The following DNAAF11 variants were observed in gnomAD, a reference collection of about 807,000 sequenced individuals.
DNAAF11 encodes dynein axonemal assembly factor 11, also known as leucine rich repeat containing 6.
DNAAF11 carries 45 observed loss-of-function variants against 60.8 expected under a neutral mutation model. The ratio of observed to expected loss-of-function variants is 0.74; its 90% confidence interval spans 0.58 to 0.95. The LOEUF is 0.95. Among genes scored for constraint, DNAAF11 ranks in the 40% least tolerant of loss-of-function variants. The pLI, the probability that DNAAF11 is intolerant of heterozygous loss-of-function variation, is 0.00. For missense variants in DNAAF11, 546 were observed against 546.2 expected (o/e 1.00, Z 0.00); for synonymous variants, 191 against 183.5 (o/e 1.04, Z -0.33).
intron 10 of DNAAF11, among the ~76,000 whole-genome samples, chr8:132,584,791 G>A (rs960331944): frequency 3.3e-5 from 5 of 152,118 alleles, no homozygotes; most frequent in African/African-American, 9.7e-5. Context: ...TTGGTGTGGT[G>A]CACAGCTGTG....
Position 132,655,907 on chromosome 8 carries a change from A to G in DNAAF11, c.256+923T>C, listed in dbSNP as rs374150560. Reference sequence around the variant, plus strand: ...CGGTACTCACATGGACTATCAGTATAAGTACAAATCGATACAATAAATATT... The same window carrying G: ...CGGTACTCACATGGACTATCAGTATGAGTACAAATCGATACAATAAATATT... On this transcript the variant is annotated intron_variant, in intron 3 of 11. Coordinates refer to ENST00000620350, the MANE Select transcript of DNAAF11 (RefSeq NM_012472.6). Among the ~76,000 whole-genome samples, 8 of 152,324 alleles carry G rather than the reference A, an allele frequency of 5.3e-5. No individual in the cohort carries two copies. The South Asian group carries it at 1.2e-3, about 24-fold the overall frequency.
intron 4 of DNAAF11, 64 bp from the exon 5 acceptor site, chr8:132,633,027 T>C: frequency 1.0e-6 from 1 of 1,000,468 alleles, no homozygotes; most frequent in East Asian, 2.5e-5. Flanking sequence ...CAGCCCCAGG[T>C]TGATTTTGAT....
rs140810971 is a variant in DNAAF11 at position 132,598,484 on chromosome 8, A to G, written c.1140+11682T>C. ...ACAGAGCATATACAATTTTTGCTAA[A>G]TAGTCATAATTGTAGATATATGAAT... On this transcript the variant is annotated intron_variant, in intron 10 of 11. Transcript: ENST00000620350. Among the ~76,000 whole-genome samples, 874 of 152,330 alleles carry G rather than the reference A, an allele frequency of 5.7e-3. 13 individuals carry two copies. Among genetic ancestry groups the G allele is most frequent in the African/African-American group, 0.02 (841 of 41,580 alleles).
intron 10 of DNAAF11, among the ~76,000 whole-genome samples, chr8:132,609,821 G>C (rs549689220): frequency 3.3e-5 from 5 of 152,284 alleles, no homozygotes; most frequent in South Asian, 2.1e-4. Context: ...ATAAAAGCCA[G>C]TTTTATTTGG....
At chr8:132,613,856 G>A (rs1210537729) in intron 8 of DNAAF11, among the ~76,000 whole-genome samples, 5 of 151,974 alleles carry the variant, frequency 3.3e-5, no homozygotes, top group Admixed American at 3.3e-4. Context: ...AAATAAAATG[G>A]GGCACATCAA....
intron 10 of DNAAF11, among the ~76,000 whole-genome samples, chr8:132,601,704 T>C (rs1313584002): frequency 1.3e-5 from 2 of 151,864 alleles, no homozygotes; most frequent in African/African-American, 2.4e-5. Context: ...TTCTCACTCA[T>C]AGGTGGGAAT....
intron 2 of DNAAF11, among the ~76,000 whole-genome samples, chr8:132,658,790 T>C (rs1266136041): frequency 6.6e-6 from 1 of 152,100 alleles, no homozygotes; most frequent in East Asian, 1.9e-4. Context: ...AAAGGAGTCA[T>C]ATGATAGAAA....
intron 8 of DNAAF11, 28 bp from the exon 9 acceptor site, chr8:132,611,391 T>C (rs1818655276): frequency 2.9e-6 from 4 of 1,365,184 alleles, no homozygotes; most frequent in African/African-American, 2.9e-5. Context: ...GAAAATCTTA[T>C]AATTTTAAAA....
At chr8:132,590,722 G>A (rs968825031) in intron 10 of DNAAF11, among the ~76,000 whole-genome samples, 1 of 152,172 alleles carries the variant, frequency 6.6e-6, no homozygotes, top group African/African-American at 2.4e-5. Flanking sequence ...CTTAGATTAG[G>A]TGAGTTTTGA....
At position 132,615,210 on chromosome 8, in the gene DNAAF11, G is replaced by T. The variant is rs535646544; in HGVS notation, c.915-113C>A. Reference sequence around the variant, plus strand: ...TAATAATTCTATAATAATATCCAAAGACAACTTATTTTAGTGGTTGAACAA... The same window carrying T: ...TAATAATTCTATAATAATATCCAAATACAACTTATTTTAGTGGTTGAACAA... On this transcript the variant is annotated intron_variant, in intron 7 of 11. Coordinates refer to ENST00000620350, the MANE Select transcript of DNAAF11 (RefSeq NM_012472.6). 7.4e-6 allele frequency: 4 copies of T among 540,040 alleles called. No homozygotes were observed. The East Asian group carries it at 1.2e-4, about 16-fold the overall frequency. 33.5% of individuals were successfully genotyped at this position (540,040 alleles called of 1,614,324 possible). A position where few individuals can be genotyped will look rare whatever the true frequency, so the allele number is the denominator to read the frequency against.
chr8:132,685,089 T>A, the DNAAF11 span: 1 of 152,314 alleles, frequency 6.6e-6, no homozygotes, highest in South Asian at 2.1e-4. Context: ...AGACAAGTGG[T>A]AGCAGGTGCT....
the DNAAF11 span, among the ~76,000 whole-genome samples, chr8:132,692,128 G>A: frequency 6.6e-6 from 1 of 151,354 alleles, no homozygotes; most frequent in Non-Finnish European, 1.5e-5. Context: ...CAGTTTGGAG[G>A]CTAATGATAC....
rs528817673 is a variant in DNAAF11, at chr8:132,631,069, T to C, written c.653+1671A>G. ...CCTGAACAAGGAGACAAGGGCAACA[T>C]TGCTTGAATATCTCAACAAATGTTC... On this transcript the variant is annotated intron_variant, in intron 5 of 11. Transcript: ENST00000620350. Among the ~76,000 whole-genome samples the C allele has an allele frequency of 2.8e-4, 43 of 152,224 alleles. 2 individuals carry two copies. Among genetic ancestry groups the C allele is most frequent in the Non-Finnish European group, 2.9e-5 (2 of 68,034 alleles).
intron 11 of DNAAF11, among the ~76,000 whole-genome samples, chr8:132,580,550 C>A (rs1490206823): frequency 1.3e-5 from 2 of 152,084 alleles, no homozygotes; most frequent in African/African-American, 4.8e-5. Context: ...GTAATGTGTA[C>A]TTTACCACAA....
chr8:132,646,612 C>A (rs1393444561), intron 3 of DNAAF11, among the ~76,000 whole-genome samples: 1 of 152,162 alleles, frequency 6.6e-6, no homozygotes, highest in African/African-American at 2.4e-5. Context: ...CAGAGACACA[C>A]ATTGGCTCAA....
intron 6 of DNAAF11, 49 bp downstream of exon 6, chr8:132,625,223 T>C (rs1179367268): frequency 2.9e-6 from 4 of 1,370,256 alleles, no homozygotes; most frequent in South Asian, 1.5e-5. Flanking sequence ...CATAAAAATA[T>C]AGTTGATAAG....
intron 3 of DNAAF11, among the ~76,000 whole-genome samples, chr8:132,647,750 C>T (rs1586684388): frequency 6.6e-6 from 1 of 152,204 alleles, no homozygotes; most frequent in African/African-American, 2.4e-5. Context: ...CGCAAATAAA[C>T]TAGAAAATCT....
intron 11 of DNAAF11, chr8:132,578,325 A>C: frequency 1.5e-6 from 1 of 653,520 alleles, no homozygotes. Context: ...GGATCTCTGG[A>C]GTCAAAAACA....
At chr8:132,656,074 T>C (rs542249131) in intron 3 of DNAAF11, among the ~76,000 whole-genome samples, 3 of 152,324 alleles carry the variant, frequency 2.0e-5, no homozygotes, top group East Asian at 1.9e-4. Context: ...CCATGCTTAT[T>C]ATAGCAAAAT....
Sources: allele counts gnomAD v4.1 joint callset (sites outside exome capture counted in the v4.1 genomes callset), GRCh38; gene constraint gnomAD v4.1.1; transcripts MANE v1.5; gene names NCBI Gene and HGNC (gene_info 2026-07-23, HGNC 2026-07-21).